CUX1: variants seen among roughly 807,000 people sequenced by gnomAD.
CUX1 encodes cut like homeobox 1.
In CUX1, 31 loss-of-function variants were observed where a neutral mutation model predicts 158.8. The observed-to-expected ratio is 0.20, with a 90% CI of 0.15 to 0.26. CUX1 has a LOEUF of 0.26. Ranked by LOEUF, CUX1 falls within the 10% of genes least tolerant of loss-of-function variation. The pLI is 1.00. For missense variants in CUX1, 1,589 were observed against 2,014.6 expected, an observed-to-expected ratio of 0.79 and a Z score of 4.04; for synonymous variants, 879 against 862.1, an observed-to-expected ratio of 1.02 and a Z score of -0.34.
At chr7:102,037,929 C>G (rs1585370371) in intron 3 of CUX1, among the ~76,000 whole-genome samples, 1 of 151,792 alleles carries the variant, frequency 6.6e-6, no homozygotes, top group South Asian at 2.1e-4. Flanking sequence ...GTGGCACATG[C>G]CTGTAGTCTC....
chr7:102,217,225 C>CG (rs1170744064), intron 20 of CUX1, among the ~76,000 whole-genome samples: 6 of 152,208 alleles, frequency 3.9e-5, no homozygotes, highest in Admixed American at 3.9e-4. Flanking sequence ...CTACCAAAAT[C>CG]GAATTGTAAT....
At chr7:102,143,694 G>C (rs1255025218) in intron 8 of CUX1, among the ~76,000 whole-genome samples, 1 of 152,218 alleles carries the variant, frequency 6.6e-6, no homozygotes, top group African/African-American at 2.4e-5. Flanking sequence ...GGGTAAACGG[G>C]ATTCCGGGAA....
chr7:102,224,413 G>T (rs536744071), intron 20 of CUX1, among the ~76,000 whole-genome samples: 4 of 152,222 alleles, frequency 2.6e-5, no homozygotes, highest in Admixed American at 6.5e-5. Context: ...CACCACGTTG[G>T]CCAGGCTGGT....
At position 102,239,366 on chromosome 7, in the gene CUX1, C is replaced by T. The variant is rs782763250; in HGVS notation, c.3669C>T (p.Cys1223=). 4.3e-6 allele frequency: 7 copies of T among 1,612,044 alleles called. No homozygotes were observed. The highest frequency in any genetic ancestry group is 2.2e-5 in the East Asian group (1 of 44,834). Residue 1223 remains cysteine, a synonymous_variant, in exon 23 of 24, where the codon TGC becomes TGT. Coordinates refer to ENST00000292535, the MANE Select transcript of CUX1 (RefSeq NM_181552.4). ...RHSSVSDSQP[C]EPPSVGTEYS... is the part of the protein sequence containing the mutation. ...GCTCAGTCAGTGACAGCCAGCCCTG[C>T]GAACCGCCCTCTGTCGGCACCGAGT...
At chr7:101,920,126 GTT>G (rs11368186) in intron 2 of CUX1, among the ~76,000 whole-genome samples, 474 of 144,172 alleles carry the variant, frequency 3.3e-3, no homozygotes, top group Non-Finnish European at 5.4e-3. Flanking sequence ...ATTTTTATGT[GTT>G]TTTTTTTTTT....
intron 2 of CUX1, among the ~76,000 whole-genome samples, chr7:102,009,987 C>G (rs1817808482): frequency 1.3e-5 from 2 of 152,130 alleles, no homozygotes; most frequent in African/African-American, 4.8e-5. Flanking sequence ...ACATGGGGAG[C>G]TTGAAAATGA....
In CUX1 at chr7:102,258,023, G is replaced by A; in HGVS notation, c.*8981G>A. On this transcript the variant is annotated 3_prime_UTR_variant, in exon 24 of 24. Coordinates refer to ENST00000292535, the MANE Select transcript of CUX1 (RefSeq NM_181552.4). ...TACATTAAGAGTCAAAGTTGACCTGGCTGGCGTGGGGGTGGGGGAGGCACC... is the reference window on the plus strand; with the variant it reads ...TACATTAAGAGTCAAAGTTGACCTGACTGGCGTGGGGGTGGGGGAGGCACC... 8 of 984,676 alleles carry A rather than the reference G, an allele frequency of 8.1e-6. No homozygotes were observed. Among genetic ancestry groups the A allele is most frequent in the Non-Finnish European group, 9.6e-6 (8 of 829,866 alleles). 61.0% of individuals were successfully genotyped at this position (984,676 alleles called of 1,614,324 possible).
chr7:102,071,905 CT>C (rs1826179003), intron 4 of CUX1, among the ~76,000 whole-genome samples: 1 of 152,176 alleles, frequency 6.6e-6, no homozygotes, highest in African/African-American at 2.4e-5. Context: ...TTGCTTTGTT[CT>C]AAACTTTTGC....
chr7:102,141,711 C>T (rs1349990534), intron 8 of CUX1, among the ~76,000 whole-genome samples: 1 of 152,004 alleles, frequency 6.6e-6, no homozygotes, highest in Non-Finnish European at 1.5e-5. Flanking sequence ...CAACCTGTGC[C>T]TCCCGGGTTC....
intron 21 of CUX1, among the ~76,000 whole-genome samples, chr7:102,232,673 G>A (rs1263626531): frequency 6.6e-6 from 1 of 152,108 alleles, no homozygotes; most frequent in Non-Finnish European, 1.5e-5. Flanking sequence ...TAAACCAGCA[G>A]CGGAATGGCC....
chr7:102,041,403 C>T (rs112822023), intron 3 of CUX1, among the ~76,000 whole-genome samples: 130 of 149,958 alleles, frequency 8.7e-4, no homozygotes, highest in African/African-American at 2.9e-3. Context: ...TTCAGGTGTG[C>T]GCCACCATGT....
In CUX1 at chr7:101,817,685, G is replaced by A; in HGVS notation, c.30+16G>A. ...CAGGTTGAAGGTGAGCGGCGTGTGG[G>A]CCAGAAGTCCCGAGGTTGCAGGCGC... is the stretch of plus-strand genomic sequence containing the variant. On this transcript the variant is annotated intron_variant, in intron 1 of 23. Transcript: ENST00000292535. This position sits in a 1 kb window ranked among gnomAD's most constrained non-coding sequence, Gnocchi z 4.1. 1 of 1,550,814 alleles carries A rather than the reference G, an allele frequency of 6.4e-7. No individual in the cohort carries two copies. The highest frequency in any genetic ancestry group is 8.7e-7 in the Non-Finnish European group (1 of 1,147,210).
chr7:102,112,635 T>A (rs559668785), intron 7 of CUX1, among the ~76,000 whole-genome samples: 1 of 151,970 alleles, frequency 6.6e-6, no homozygotes, highest in South Asian at 2.1e-4. Flanking sequence ...AGTGGTGTGA[T>A]CTCAGGTCAC....
At chr7:102,094,318 A>G (rs1828960113) in intron 4 of CUX1, among the ~76,000 whole-genome samples, 1 of 152,244 alleles carries the variant, frequency 6.6e-6, no homozygotes, top group Admixed American at 6.5e-5. Flanking sequence ...CATTTAGCTC[A>G]TCCTTTAGTC....
chr7:102,169,635 G>T (rs1330442983), intron 9 of CUX1, among the ~76,000 whole-genome samples: 4 of 152,212 alleles, frequency 2.6e-5, no homozygotes, highest in African/African-American at 9.7e-5. Flanking sequence ...CAGTGAGTTT[G>T]GGTAACTTGC....
chr7:101,888,321 G>T (rs1417698977), intron 1 of CUX1, among the ~76,000 whole-genome samples: 1 of 151,792 alleles, frequency 6.6e-6, no homozygotes, highest in Non-Finnish European at 1.5e-5. Flanking sequence ...ACAGAGTGAG[G>T]CTCCGTCTCC....
intron 9 of CUX1, among the ~76,000 whole-genome samples, chr7:102,167,665 G>T (rs1205439111): frequency 6.6e-6 from 1 of 152,240 alleles, no homozygotes; most frequent in African/African-American, 2.4e-5. Context: ...GAACTGACCA[G>T]CAAGGGAGGC....
chr7:102,263,976 G>A (rs1182440195), intron 14 of CUX1, among the ~76,000 whole-genome samples: 1 of 146,740 alleles, frequency 6.8e-6, no homozygotes, highest in African/African-American at 2.5e-5. Flanking sequence ...ACAGGCATGA[G>A]CCACTATTCC....
chr7:101,861,491 T>C lies in CUX1; in HGVS notation c.30+43822T>C, dbSNP rs187705803. Among the ~76,000 whole-genome samples, 51 of 152,312 alleles carry C rather than the reference T, an allele frequency of 3.3e-4. 3 individuals carry two copies. The East Asian group carries it at 3.5e-3, about 10-fold the overall frequency. ...AATTTAACAAACTGCCTGCCCGGCA[T>C]GCACTGCAGATGCTGGGCTGCAAAG... On this transcript the variant is annotated intron_variant, in intron 1 of 23. Coordinates refer to ENST00000292535, the MANE Select transcript of CUX1 (RefSeq NM_181552.4).
Sources: allele counts gnomAD v4.1 joint callset (sites outside exome capture counted in the v4.1 genomes callset), GRCh38; gene constraint gnomAD v4.1.1; non-coding constraint Gnocchi (gnomAD v3.1); transcripts MANE v1.5; gene names NCBI Gene and HGNC (gene_info 2026-07-23, HGNC 2026-07-21).